Variants in USP6NL observed in about 807,000 individuals in gnomAD.
USP6NL encodes USP6 N-terminal like.
USP6NL carries 26 observed loss-of-function variants against 61.9 expected under a neutral mutation model. That is an observed-to-expected ratio of 0.42 (90% CI 0.31 to 0.58). The LOEUF is 0.58. Ranked by LOEUF, USP6NL falls within the 20% of genes least tolerant of loss-of-function variation. The pLI is 0.16. For synonymous variants in USP6NL, 432 were observed against 390.1 expected, an observed-to-expected ratio of 1.11 and a Z score of -1.27; for missense variants, 1,114 against 1,034.3, an observed-to-expected ratio of 1.08 and a Z score of -1.06.
At chr10:11,546,249 AG>A (rs1473406571) in intron 2 of USP6NL, among the ~76,000 whole-genome samples, 1 of 152,234 alleles carries the variant, frequency 6.6e-6, no homozygotes, top group African/African-American at 2.4e-5. Flanking sequence ...AGTGAGAGAA[AG>A]GTAAACTATA....
chr10:11,504,223 C>T (rs1319881256), intron 6 of USP6NL, among the ~76,000 whole-genome samples: 1 of 152,126 alleles, frequency 6.6e-6, no homozygotes, highest in African/African-American at 2.4e-5. Context: ...ATTACAGTTA[C>T]ATATCTTTCT....
intron 5 of USP6NL, among the ~76,000 whole-genome samples, chr10:11,516,446 T>G (rs1834961698): frequency 6.6e-6 from 1 of 152,226 alleles, no homozygotes; most frequent in Admixed American, 6.5e-5. Flanking sequence ...ACTTGGCTAC[T>G]AGGACTAGGC....
chr10:11,534,482 T>C (rs904231812), intron 2 of USP6NL, among the ~76,000 whole-genome samples: 4 of 152,172 alleles, frequency 2.6e-5, no homozygotes, highest in Non-Finnish European at 4.4e-5. Flanking sequence ...TACATTAGAA[T>C]AGGAAACATA....
chr10:11,571,234 C>A (rs930818100), intron 2 of USP6NL, among the ~76,000 whole-genome samples: 1 of 152,068 alleles, frequency 6.6e-6, no homozygotes, highest in Non-Finnish European at 1.5e-5. Flanking sequence ...CAGGCATGCA[C>A]CACCACGCCC....
intron 2 of USP6NL, among the ~76,000 whole-genome samples, chr10:11,569,542 T>C (rs1837284889): frequency 6.6e-6 from 1 of 152,056 alleles, no homozygotes. Flanking sequence ...CAATCTAACC[T>C]AGAGAGGTGA....
intron 1 of USP6NL, among the ~76,000 whole-genome samples, chr10:11,607,150 A>C (rs909517075): frequency 6.6e-5 from 10 of 152,134 alleles, no homozygotes; most frequent in African/African-American, 2.4e-4. Flanking sequence ...ATTATTTTTT[A>C]ATATGGGCAC....
At chr10:11,573,895 G>C (rs1837448233) in intron 2 of USP6NL, 1 of 374,678 alleles carries the variant, frequency 2.7e-6, no homozygotes, top group Admixed American at 4.5e-5. Flanking sequence ...TGGATTCAAA[G>C]TGATTTCAGC....
intron 2 of USP6NL, among the ~76,000 whole-genome samples, chr10:11,547,762 G>A (rs568085445): frequency 6.6e-5 from 10 of 151,908 alleles, no homozygotes; most frequent in East Asian, 3.9e-4. Flanking sequence ...GGATGGTCTC[G>A]ATCTCCTGAC....
At chr10:11,538,994 A>C (rs556877438) in intron 2 of USP6NL, among the ~76,000 whole-genome samples, 38 of 152,180 alleles carry the variant, frequency 2.5e-4, no homozygotes, top group African/African-American at 2.7e-4. Flanking sequence ...TGCTTCCATC[A>C]CGCTTCAAGT....
In USP6NL at chr10:11,511,817, A is replaced by C. The variant is rs1834727870; in HGVS notation, c.196-2142T>G. ...CCTACAGCAAAAAATAAAATAAAAT[A>C]ATATATATTATACACACACACACAC... On this transcript the variant is annotated intron_variant, in intron 5 of 14. Transcript: ENST00000609104. The surrounding 1 kb of genome is among the most constrained non-coding windows in gnomAD (Gnocchi z 4.9). 7.1e-6 allele frequency among the ~76,000 whole-genome samples: 1 copy of C among 141,110 alleles called. No individual in the cohort carries two copies. The highest frequency in any genetic ancestry group is 7.4e-5 in the Admixed American group (1 of 13,604). 92.6% of individuals were successfully genotyped at this position (141,110 alleles called of 152,430 possible). A position where few individuals can be genotyped will look rare whatever the true frequency, so the allele number is the denominator to read the frequency against.
Position 11,495,918 on chromosome 10 carries a change from AT to A in USP6NL, c.385-2691del, listed in dbSNP as rs1833903788. Among the ~76,000 whole-genome samples the A allele has an allele frequency of 6.6e-6, 1 of 152,172 alleles. No individual in the cohort carries two copies. The highest frequency in any genetic ancestry group is 1.5e-5 in the Non-Finnish European group (1 of 68,030). ...TGACTGTGATCCTGCTCGTGGAGGC[AT>A]GTGGCCAAGCAGTTGGACTGGGGTT... On this transcript the variant is annotated intron_variant, in intron 7 of 14. Coordinates refer to ENST00000609104, the MANE Select transcript of USP6NL (RefSeq NM_014688.5). The surrounding 1 kb of genome is among the most constrained non-coding windows in gnomAD (Gnocchi z 4.6).
At chr10:11,582,349 C>A (rs2133609951) in intron 2 of USP6NL, among the ~76,000 whole-genome samples, 1 of 152,336 alleles carries the variant, frequency 6.6e-6, no homozygotes, top group South Asian at 2.1e-4. Flanking sequence ...GATCCGCCCG[C>A]CTCAGTCTCC....
intron 2 of USP6NL, among the ~76,000 whole-genome samples, chr10:11,557,507 T>C (rs1836755106): frequency 6.6e-6 from 1 of 152,226 alleles, no homozygotes; most frequent in African/African-American, 2.4e-5. Context: ...GATGCCATGA[T>C]TTTAAATGCA....
In USP6NL at chr10:11,533,883, G is replaced by A. The variant is rs548586620; in HGVS notation, c.5-6316C>T. On this transcript the variant is annotated intron_variant, in intron 2 of 14. Transcript: ENST00000609104. ...CAGAAAAACAAAACAGCAACAGGAA[G>A]AACTGACAAAGACGCTCCTTGACCA... Among the ~76,000 whole-genome samples, 4 of 152,286 alleles carry A rather than the reference G, an allele frequency of 2.6e-5. No individual in the cohort carries two copies. In the South Asian group the frequency reaches 6.2e-4, roughly 24 times the overall value.
rs150272291 is a variant in USP6NL at position 11,554,227 on chromosome 10, G to A, written c.5-26660C>T. The stretch of plus-strand genomic sequence containing the variant: ...AACTGCTCAGAGGAAGCAAATTCAA[G>A]GGTTTTCAGTTTCACATGGCTGGGA... On this transcript the variant is annotated intron_variant, in intron 2 of 14. Transcript: ENST00000609104. Among the ~76,000 whole-genome samples, 207 of 152,290 alleles carry A rather than the reference G, an allele frequency of 1.4e-3. 3 individuals carry two copies. The highest frequency in any genetic ancestry group is 6.2e-3 in the Admixed American group (95 of 15,294).
At chr10:11,549,277 G>A (rs936131101) in intron 2 of USP6NL, among the ~76,000 whole-genome samples, 1 of 152,052 alleles carries the variant, frequency 6.6e-6, no homozygotes, top group African/African-American at 2.4e-5. Flanking sequence ...AAAAACAGAT[G>A]GAAGCAAAAG....
chr10:11,527,590 A>G, intron 2 of USP6NL, 23 bp from the exon 3 acceptor site: 1 of 1,594,198 alleles, frequency 6.3e-7, no homozygotes, highest in Non-Finnish European at 8.6e-7. Context: ...CATCAAATTT[A>G]GATGAATTGT....
chr10:11,531,578 A>G (rs1036155720), intron 2 of USP6NL, among the ~76,000 whole-genome samples: 1 of 152,010 alleles, frequency 6.6e-6, no homozygotes, highest in Non-Finnish European at 1.5e-5. Flanking sequence ...TCAGCCTCCC[A>G]AAGTGCTGAG....
intron 1 of USP6NL, among the ~76,000 whole-genome samples, chr10:11,609,032 T>C (rs1313083851): frequency 6.6e-6 from 1 of 152,178 alleles, no homozygotes; most frequent in East Asian, 1.9e-4. Context: ...AATGAAATCA[T>C]ATCTGACAAT....
Sources: gnomAD v4.1 joint callset for allele counts (sites outside exome capture counted in the v4.1 genomes callset) on GRCh38, gnomAD v4.1.1 for gene constraint, Gnocchi (gnomAD v3.1) non-coding constraint, MANE v1.5 for transcripts, NCBI Gene and HGNC (gene_info 2026-07-23, HGNC 2026-07-21) for gene names.